The following EXTL3 variants were observed in gnomAD, a reference collection of about 807,000 sequenced individuals.
EXTL3 encodes the protein exostosin like glycosyltransferase 3.
A neutral mutation model predicts 69.3 loss-of-function variants in EXTL3; 27 were observed. The observed-to-expected ratio is 0.39, with a 90% CI of 0.29 to 0.54. The LOEUF (loss-of-function observed/expected upper bound fraction) is 0.54, where lower values mean the gene tolerates loss of function less well. EXTL3 is among the 20% of genes least tolerant of loss of function. The probability of loss-of-function intolerance (pLI) is 0.69; values close to 1 mark genes in which losing one functional copy is unlikely to be tolerated. For synonymous variants in EXTL3, 511 were observed against 499.4 expected (o/e 1.02, Z -0.31); for missense variants, 1,003 against 1,231.8 (o/e 0.81, Z 2.78).
chr8:28,662,615 G>C (rs1807133753), intron 1 of EXTL3, among the ~76,000 whole-genome samples: 2 of 152,226 alleles, frequency 1.3e-5, no homozygotes, highest in Non-Finnish European at 2.9e-5. Context: ...GAGGAAACCT[G>C]TTTGTATAAA....
At chr8:28,708,841 G>C (rs1265125067) in intron 1 of EXTL3, among the ~76,000 whole-genome samples, 1 of 152,164 alleles carries the variant, frequency 6.6e-6, no homozygotes, top group Non-Finnish European at 1.5e-5. Flanking sequence ...CAGATATACA[G>C]GTGGGCCATA....
At chr8:28,650,130 A>G (rs1296620084) in intron 1 of EXTL3, among the ~76,000 whole-genome samples, 3 of 140,500 alleles carry the variant, frequency 2.1e-5, no homozygotes, top group African/African-American at 5.3e-5. Flanking sequence ...CAGGAGGCGG[A>G]GGTTTCAGTG....
At chr8:28,650,780 AT>A (rs1351046531) in intron 1 of EXTL3, among the ~76,000 whole-genome samples, 7 of 151,940 alleles carry the variant, frequency 4.6e-5, no homozygotes, top group Non-Finnish European at 8.8e-5. Context: ...TGATCTAGTT[AT>A]CTATTCTGGG....
chr8:28,731,816 G>A (rs1360982425), intron 4 of EXTL3, among the ~76,000 whole-genome samples: 1 of 152,122 alleles, frequency 6.6e-6, no homozygotes, highest in Non-Finnish European at 1.5e-5. Context: ...AGATTTGGGG[G>A]AAGGAGGGTG....
At chr8:28,728,147 A>G (rs1801452466) in intron 3 of EXTL3, among the ~76,000 whole-genome samples, 2 of 152,178 alleles carry the variant, frequency 1.3e-5, no homozygotes, top group Admixed American at 1.3e-4. Context: ...GTGAACAGCT[A>G]CCATATGCCG....
At chr8:28,714,518 A>G (rs1801099874) in intron 2 of EXTL3, among the ~76,000 whole-genome samples, 1 of 152,154 alleles carries the variant, frequency 6.6e-6, no homozygotes, top group Admixed American at 6.5e-5. Context: ...AGGGTAAGGG[A>G]AGTTCCATGA....
At position 28,743,050 on chromosome 8, in the gene EXTL3, T is replaced by C. The variant is rs1338684746; in HGVS notation, c.2422-36T>C. On this transcript the variant is annotated intron_variant, in intron 5 of 6. Transcript: ENST00000220562. ...CTGAAAGCCAACAACCTGTGTCTTG[T>C]AACAGAGCATGTGGTTCTTTTTCTT... is the stretch of plus-strand genomic sequence containing the variant. 2.5e-6 allele frequency: 4 copies of C among 1,613,526 alleles called. No homozygotes were observed. The Admixed American group carries it at 6.7e-5, about 27-fold the overall frequency.
chr8:28,673,042 T>C (rs748400210), intron 1 of EXTL3, among the ~76,000 whole-genome samples: 1 of 152,220 alleles, frequency 6.6e-6, no homozygotes, highest in East Asian at 1.9e-4. Flanking sequence ...TTGTGAGGCC[T>C]CCTCAGCCAC....
At chr8:28,730,685 T>G (rs941319604) in intron 3 of EXTL3, among the ~76,000 whole-genome samples, 1 of 152,194 alleles carries the variant, frequency 6.6e-6, no homozygotes, top group Non-Finnish European at 1.5e-5. Context: ...GGAAAAAGTT[T>G]GTGTACGAGT....
intron 1 of EXTL3, among the ~76,000 whole-genome samples, chr8:28,661,156 G>T (rs966581071): frequency 6.6e-6 from 1 of 151,338 alleles, no homozygotes; most frequent in South Asian, 2.1e-4. Context: ...TTCGTGATCC[G>T]CCCGCCTCAG....
chr8:28,712,473 G>A (rs980783647), intron 1 of EXTL3, among the ~76,000 whole-genome samples: 2 of 152,200 alleles, frequency 1.3e-5, no homozygotes, highest in East Asian at 3.8e-4. Flanking sequence ...AAATGCTGTG[G>A]CAGGTGACTG....
intron 1 of EXTL3, among the ~76,000 whole-genome samples, chr8:28,647,160 A>C (rs1338780798): frequency 6.6e-6 from 1 of 150,582 alleles, no homozygotes; most frequent in Non-Finnish European, 1.5e-5. Context: ...GCTGGAGTGC[A>C]ATGGCACGAT....
chr8:28,676,854 G>A (rs1241766859), intron 1 of EXTL3, among the ~76,000 whole-genome samples: 2 of 152,128 alleles, frequency 1.3e-5, no homozygotes, highest in African/African-American at 4.8e-5. Context: ...CAGATTCTTG[G>A]ACCCCACCCA....
At chr8:28,650,782 C>T (rs1042375664) in intron 1 of EXTL3, among the ~76,000 whole-genome samples, 59 of 152,178 alleles carry the variant, frequency 3.9e-4, no homozygotes, top group African/African-American at 1.1e-3. Context: ...ATCTAGTTAT[C>T]TATTCTGGGC....
intron 1 of EXTL3, among the ~76,000 whole-genome samples, chr8:28,673,209 A>G (rs1386512097): frequency 1.3e-5 from 2 of 152,230 alleles, no homozygotes; most frequent in East Asian, 1.9e-4. Context: ...AGGCATTTTC[A>G]TCACTGTGTG....
intron 2 of EXTL3, among the ~76,000 whole-genome samples, chr8:28,612,751 C>G (rs1486583687): frequency 6.6e-6 from 1 of 151,750 alleles, no homozygotes. Context: ...CAGTGTCTTG[C>G]TTTGTTGCCG....
rs756582203 is a variant in EXTL3 at position 28,717,506 on chromosome 8, C to G, written c.1447C>G (p.Leu483Val). 6.2e-7 allele frequency: 1 copy of G among 1,614,272 alleles called. No individual in the cohort carries two copies. Among genetic ancestry groups the G allele is most frequent in the African/African-American group, 1.3e-5 (1 of 75,074 alleles). The change falls in exon 3 of 7, where the codon CTG becomes GTG. Residue 483 changes from leucine (L) to valine (V), a missense_variant. By Grantham distance (32) the Leu-to-Val change is conservative (BLOSUM62 1). This residue lies in a region of EXTL3 where 742 missense variants were observed against 815.4 expected (regional missense o/e 0.91). Transcript: ENST00000220562. This position sits in a 1 kb window ranked among gnomAD's most constrained non-coding sequence, Gnocchi z 8.3. ...CATGCTGCAGTGGAACGAGGCGGCC[C>G]TGGTGGTGCCAAAGCCTCGTGTTAC... ...QDMLQWNEAA[L>V]VVPKPRVTEV... is the part of the protein sequence containing the mutation.
intron 3 of EXTL3, chr8:28,730,116 G>A (rs1011271644): frequency 2.0e-5 from 3 of 152,234 alleles, no homozygotes; most frequent in Non-Finnish European, 4.4e-5. Context: ...GGGGAGGATG[G>A]AAGAGAAGGT....
At chr8:28,637,266 T>C (rs1451822432) in intron 1 of EXTL3, 1 of 152,236 alleles carries the variant, frequency 6.6e-6, no homozygotes, top group Non-Finnish European at 1.5e-5. Flanking sequence ...GTCGATTTTC[T>C]AGCCAGCTTT....
Sources: gnomAD v4.1 joint callset for allele counts (sites outside exome capture counted in the v4.1 genomes callset) on GRCh38, gnomAD v4.1.1 for gene constraint, gnomAD v4.1.1 regional missense constraint, Gnocchi (gnomAD v3.1) non-coding constraint, MANE v1.5 for transcripts, NCBI Gene and HGNC (gene_info 2026-07-23, HGNC 2026-07-21) for gene names.